NES: variants seen among roughly 807,000 people sequenced by gnomAD.
The protein encoded by NES is nestin.
In NES, 27 loss-of-function variants were observed where a neutral mutation model predicts 35.6. The ratio of observed to expected loss-of-function variants is 0.76; its 90% CI spans 0.56 to 1.04. The LOEUF is 1.04. NES is among the 50% of genes least tolerant of loss of function. The pLI, the probability that NES is intolerant of heterozygous loss-of-function variation, is 0.00. For missense variants in NES, 1,867 were observed against 1,983.6 expected (o/e 0.94, Z 1.12); for synonymous variants, 822 against 824.2 (o/e 1.00, Z 0.04).
At position 156,672,534 on chromosome 1, in the gene NES, C is replaced by T. The variant is rs763812031; in HGVS notation, c.1654G>A (p.Glu552Lys). ...AGAGTCTTCAGTGACTCTTGAATCTCCTCTCCCAGAGACTTCAGGGTTTCT... is the reference window on the plus strand; with the variant it reads ...AGAGTCTTCAGTGACTCTTGAATCTTCTCTCCCAGAGACTTCAGGGTTTCT... ...EKETLKSLGE[E>K]IQESLKTLEN... Residue 552 changes from glutamate (E) to lysine (K), a missense_variant, in exon 4 of 4, where the codon GAG becomes AAG. Transcript: ENST00000368223. 1.9e-6 allele frequency: 3 copies of T among 1,613,914 alleles called. No homozygotes were observed. Among genetic ancestry groups the T allele is most frequent in the Non-Finnish European group, 2.5e-6 (3 of 1,179,968 alleles).
chr1:156,677,078 G>C lies in NES; in HGVS notation c.187C>G (p.Leu63Val). 1 of 1,600,830 alleles carries C rather than the reference G, an allele frequency of 6.2e-7. No individual in the cohort carries two copies. Among genetic ancestry groups the C allele is most frequent in the Non-Finnish European group, 8.5e-7 (1 of 1,175,148 alleles). Reference sequence around the variant, plus strand: ...CAGCGTTGGTCAACGAGGGCCCGCAGGGCCGCCAGCTCGTCGTCGGCATGC... The same window carrying C: ...CAGCGTTGGTCAACGAGGGCCCGCACGGCCGCCAGCTCGTCGTCGGCATGC... Reference protein sequence around the residue: ...RAHADDELAALRALVDQRWRE... With the variant: ...RAHADDELAAVRALVDQRWRE... Residue 63 changes from leucine (L) to valine (V), a missense_variant, in exon 1 of 4, where the codon CTG becomes GTG. Coordinates refer to ENST00000368223, the MANE Select transcript of NES (RefSeq NM_006617.2). This position sits in a 1 kb window ranked among gnomAD's most constrained non-coding sequence, Gnocchi z 4.5.
rs1255138324 is a variant in NES at position 156,676,688 on chromosome 1, A to G, written c.577T>C (p.Tyr193His). 1.3e-6 allele frequency: 2 copies of G among 1,493,188 alleles called. No homozygotes were observed. The highest frequency in any genetic ancestry group is 2.3e-5 in the Admixed American group (1 of 43,164). 92.5% of individuals were successfully genotyped at this position (1,493,188 alleles called of 1,614,324 possible). The change falls in exon 1 of 4, where the codon TAC becomes CAC. Residue 193 changes from tyrosine to histidine, a missense_variant. Tyr to His is a moderately conservative substitution (Grantham distance 83). Coordinates refer to ENST00000368223, the MANE Select transcript of NES (RefSeq NM_006617.2). The surrounding 1 kb of genome is among the most constrained non-coding windows in gnomAD (Gnocchi z 5.3). ...TCCATGTGTGCCACGCGCTCCTGGT[A>G]GCCGCGCACTGCCCCGCGCCACGCC... ...GEAWRGAVRG[Y>H]QERVAHMETS... is the part of the protein sequence containing the mutation.
Position 156,671,098 on chromosome 1 carries a change from A to G in NES, c.3090T>C (p.Ser1030=). The change falls in exon 4 of 4, where the codon AGT becomes AGC. Residue 1030 remains serine (S), a synonymous_variant. Transcript: ENST00000368223. ...KEQRGLVEGA[S]VKGGAEGLQD... ...GGAGGCCCTCAGCCCCTCCCTTCAC[A>G]CTGGCTCCCTCAACCAGGCCTCTCT... 1.2e-6 allele frequency: 2 copies of G among 1,613,804 alleles called. No homozygotes were observed. The highest frequency in any genetic ancestry group is 1.7e-6 in the Non-Finnish European group (2 of 1,179,940).
In NES at chr1:156,670,465, C is replaced by A; in HGVS notation, c.3723G>T (p.Gly1241=). 1 of 1,569,018 alleles carries A rather than the reference C, an allele frequency of 6.4e-7. No homozygotes were observed. The highest frequency in any genetic ancestry group is 8.6e-7 in the Non-Finnish European group (1 of 1,156,878). Residue 1241 remains glycine (G), a synonymous_variant, in exon 4 of 4, where the codon GGG becomes GGT. Transcript: ENST00000368223. Reference sequence around the variant, plus strand: ...GCACCCCCCAGCTAGCCTCCTGACTCCCTTCAGCCTGAGGCTGAGGCCCAG... The same window carrying A: ...GCACCCCCCAGCTAGCCTCCTGACTACCTTCAGCCTGAGGCTGAGGCCCAG... ...DAPGPQPQAE[G]SQEASWGVQG... is the part of the protein sequence containing the mutation.
In NES at chr1:156,669,238, T is replaced by C. The variant is rs1679645073; in HGVS notation, c.*84A>G. The C allele has an allele frequency of 2.2e-6, 2 of 903,900 alleles. No individual in the cohort carries two copies. The highest frequency in any genetic ancestry group is 2.5e-5 in the Admixed American group (1 of 39,824). The allele number at this position is 903,900 out of a possible 1,614,324, so 56.0% of individuals were successfully genotyped here. On this transcript the variant is annotated 3_prime_UTR_variant, in exon 4 of 4. Coordinates refer to ENST00000368223, the MANE Select transcript of NES (RefSeq NM_006617.2). ...TCAAGAGATCGTAAGTTAAGAGTGC[T>C]GCTCCTGAGCAGGGAGCGGGCTTGG...
At position 156,671,905 on chromosome 1, in the gene NES, C is replaced by T; in HGVS notation, c.2283G>A (p.Glu761=). ...DQETLRTLEK[E]TQQRRRSLGE... Reference sequence around the variant, plus strand: ...CTAGAGACCTCCGTCGCTGTTGAGTCTCTTTTTCAAGAGTTCTCAATGTCT... The same window carrying T: ...CTAGAGACCTCCGTCGCTGTTGAGTTTCTTTTTCAAGAGTTCTCAATGTCT... Residue 761 remains glutamate (E), a synonymous_variant, in exon 4 of 4, where the codon GAG becomes GAA. Coordinates refer to ENST00000368223, the MANE Select transcript of NES (RefSeq NM_006617.2). The T allele has an allele frequency of 1.9e-6, 3 of 1,614,112 alleles. No individual in the cohort carries two copies. The highest frequency in any genetic ancestry group is 2.5e-6 in the Non-Finnish European group (3 of 1,180,008).
Position 156,672,308 on chromosome 1 carries a change from G to T in NES, c.1880C>A (p.Ser627Tyr), listed in dbSNP as rs1182831374. ...TGKEDTQTLQSLQKENQELMK... is the reference protein window; with the variant it reads ...TGKEDTQTLQYLQKENQELMK... ...TAGTTCTTGATTCTCCTTTTGCAGGGATTGCAATGTCTGTGTGTCCTCTTT... is the reference window on the plus strand; with the variant it reads ...TAGTTCTTGATTCTCCTTTTGCAGGTATTGCAATGTCTGTGTGTCCTCTTT... Residue 627 changes from serine to tyrosine, a missense_variant, in exon 4 of 4, where the codon TCC (serine) becomes TAC (tyrosine). Transcript: ENST00000368223. The T allele has an allele frequency of 1.2e-6, 2 of 1,606,786 alleles. No individual in the cohort carries two copies. Among genetic ancestry groups the T allele is most frequent in the Admixed American group, 1.7e-5 (1 of 57,716 alleles).
At position 156,677,332 on chromosome 1, in the gene NES, C is replaced by T; in HGVS notation, c.-68G>A. The T allele has an allele frequency of 1.0e-6, 1 of 981,076 alleles. No homozygotes were observed. The highest frequency in any genetic ancestry group is 3.7e-5 in the Admixed American group (1 of 27,122). 60.8% of individuals were successfully genotyped at this position (981,076 alleles called of 1,614,324 possible). A position where few individuals can be genotyped will look rare whatever the true frequency, so the allele number is the denominator to read the frequency against. On this transcript the variant is annotated 5_prime_UTR_variant, in exon 1 of 4. Coordinates refer to ENST00000368223, the MANE Select transcript of NES (RefSeq NM_006617.2). The surrounding 1 kb of genome is among the most constrained non-coding windows in gnomAD (Gnocchi z 4.5). ...CGGGAGAAGGGAGCGGCTCGCAGAG[C>T]TTTTAGGACGGAAGAGAAAAGAGAC...
In NES at chr1:156,676,876, A is replaced by G. The variant is rs4278369; in HGVS notation, c.389T>C (p.Val130Ala). The change falls in exon 1 of 4, where the codon GTG becomes GCG. Residue 130 changes from valine to alanine, a missense_variant. By Grantham distance (64) the Val-to-Ala change is moderately conservative (BLOSUM62 0). Transcript: ENST00000368223. The surrounding 1 kb of genome is among the most constrained non-coding windows in gnomAD (Gnocchi z 5.3). ...CTCTAGCTCGCGCTCCAGCTCTGCC[A>G]CCTGGCTACTCAGCCAGGCCCGGGC... ...KCARAWLSSQ[V>A]AELERELEAL... 1 allele frequency: 1,531,762 copies of G among 1,532,164 alleles called. 765,682 individuals are homozygous for G. The highest frequency in any genetic ancestry group is 1 in the South Asian group (82,714 of 82,714). The allele number at this position is 1,532,164 out of a possible 1,614,324, so 94.9% of individuals were successfully genotyped here.
At position 156,672,679 on chromosome 1, in the gene NES, C is replaced by A; in HGVS notation, c.1509G>T (p.Gly503=). The A allele has an allele frequency of 6.2e-7, 1 of 1,613,846 alleles. No individual in the cohort carries two copies. Among genetic ancestry groups the A allele is most frequent in the Non-Finnish European group, 8.5e-7 (1 of 1,180,042 alleles). Residue 503 remains glycine (G), a synonymous_variant, in exon 4 of 4, where the codon GGG becomes GGT. Coordinates refer to ENST00000368223, the MANE Select transcript of NES (RefSeq NM_006617.2). The part of the protein sequence containing the change: ...CRGEGEGQIW[G]LVEKETAIEG... The stretch of plus-strand genomic sequence containing the variant: ...CTATGGCTGTTTCTTTCTCTACCAA[C>A]CCCCAGATTTGCCCTTCACCTTCCC...
rs750109265 is a variant in NES, at chr1:156,671,656, T to C, written c.2532A>G (p.Glu844=). ...QENLETLKSP[E]TQAPLWTPEE... ...CTGGAGTCCACAGTGGTGCTTGAGT[T>C]TCTGGAGATTTCAGTGTTTCCAGGT... The change falls in exon 4 of 4, where the codon GAA becomes GAG. Residue 844 remains glutamate (E), a synonymous_variant. Transcript: ENST00000368223. 4 of 1,613,708 alleles carry C rather than the reference T, an allele frequency of 2.5e-6. No individual in the cohort carries two copies.
intron 2 of NES, 66 bp downstream of exon 2, chr1:156,675,150 C>T (rs1305933689): frequency 4.5e-6 from 7 of 1,568,390 alleles, no homozygotes; most frequent in Non-Finnish European, 6.1e-6. Context: ...CCCCTTCAGC[C>T]ACGTAGTCTG....
At position 156,673,458 on chromosome 1, in the gene NES, A is replaced by T. The variant is rs1454762285; in HGVS notation, c.978T>A (p.Phe326Leu). 6.2e-7 allele frequency: 1 copy of T among 1,612,648 alleles called. No individual in the cohort carries two copies. Among genetic ancestry groups the T allele is most frequent in the Admixed American group, 1.7e-5 (1 of 59,970 alleles). ...PGGGSKTSLS[F>L]QDPKLELQFP... ...GAACTTGGCCCCTCCTCTTACCCTG[A>T]AAGCTGAGGGAAGTCTTGGAGCCAC... Residue 326 changes from phenylalanine to leucine, a missense_variant, in exon 3 of 4, where the codon TTT (phenylalanine) becomes TTA (leucine). Phe to Leu is a conservative substitution (Grantham distance 22). Coordinates refer to ENST00000368223, the MANE Select transcript of NES (RefSeq NM_006617.2).
rs1679711027 is a variant in NES at position 156,670,915 on chromosome 1, A to C, written c.3273T>G (p.Gly1091=). Residue 1091 remains glycine, a synonymous_variant, in exon 4 of 4, where the codon GGT becomes GGG. Coordinates refer to ENST00000368223, the MANE Select transcript of NES (RefSeq NM_006617.2). ...CTGGCTCAGCTCCCGCAGCAGACTC[A>C]CCCATGGCAGGCTCTGACCCCAACA... is the stretch of plus-strand genomic sequence containing the variant. ...EVMLGSEPAM[G]ESAAGAEPGP... The C allele has an allele frequency of 1.3e-6, 2 of 1,599,780 alleles. No homozygotes were observed. The highest frequency in any genetic ancestry group is 1.4e-5 in the African/African-American group (1 of 70,836).
chr1:156,675,677 G>A (rs923594380), intron 1 of NES, among the ~76,000 whole-genome samples: 1 of 152,160 alleles, frequency 6.6e-6, no homozygotes, highest in African/African-American at 2.4e-5. Flanking sequence ...TATGGAGAGA[G>A]AAGAGGGGGA....
In NES at chr1:156,670,552, C is replaced by A. The variant is rs1679696664; in HGVS notation, c.3636G>T (p.Glu1212Asp). ...PWPLGSEEAE[E>D]DVPPVLVSPS... ...GGGAGACCAGCACTGGTGGTACATC[C>A]TCCTCAGCTTCCTCTGACCCCAGAG... is the stretch of plus-strand genomic sequence containing the variant. Residue 1212 changes from glutamate to aspartate, a missense_variant, in exon 4 of 4, where the codon GAG (glutamate) becomes GAT (aspartate). By Grantham distance (45) the Glu-to-Asp change is conservative. Coordinates refer to ENST00000368223, the MANE Select transcript of NES (RefSeq NM_006617.2). 6.2e-7 allele frequency: 1 copy of A among 1,611,300 alleles called. No individual in the cohort carries two copies. The highest frequency in any genetic ancestry group is 1.3e-5 in the African/African-American group (1 of 74,882).
chr1:156,672,852 C>T lies in NES; in HGVS notation c.1336G>A (p.Glu446Lys), dbSNP rs1557999337. ...IPASVLPGPE[E>K]PGGQRQEAST... ...GCCTCTTGCCGCTGGCCCCCAGGCT[C>T]CTCTGGTCCAGGCAGGACGCTGGCA... The change falls in exon 4 of 4, where the codon GAG (glutamate) becomes AAG (lysine). Residue 446 changes from glutamate to lysine, a missense_variant. Physicochemically the swap from Glu to Lys is moderately conservative, Grantham distance 56. Coordinates refer to ENST00000368223, the MANE Select transcript of NES (RefSeq NM_006617.2). 6.2e-7 allele frequency: 1 copy of T among 1,613,950 alleles called. No individual in the cohort carries two copies. The highest frequency in any genetic ancestry group is 8.5e-7 in the Non-Finnish European group (1 of 1,180,030).
At position 156,676,941 on chromosome 1, in the gene NES, C is replaced by A; in HGVS notation, c.324G>T (p.Glu108Asp). ...LRLARERTTEEVARNRRAVEA... is the reference protein window; with the variant it reads ...LRLARERTTEDVARNRRAVEA... ...CGACGGCGCGCCGGTTGCGGGCTAC[C>A]TCCTCCGTCGTCCGCTCCCGGGCCA... Residue 108 changes from glutamate to aspartate, a missense_variant, in exon 1 of 4, where the codon GAG becomes GAT. Physicochemically the swap from Glu to Asp is conservative, Grantham distance 45 (BLOSUM62 2). Coordinates refer to ENST00000368223, the MANE Select transcript of NES (RefSeq NM_006617.2). This position sits in a 1 kb window ranked among gnomAD's most constrained non-coding sequence, Gnocchi z 5.3. The A allele has an allele frequency of 6.4e-7, 1 of 1,554,890 alleles. No homozygotes were observed. The highest frequency in any genetic ancestry group is 8.6e-7 in the Non-Finnish European group (1 of 1,158,486).
intron 2 of NES, 80 bp downstream of exon 2, chr1:156,675,136 T>C (rs954267891): frequency 6.5e-7 from 1 of 1,537,416 alleles, no homozygotes; most frequent in South Asian, 1.2e-5. Flanking sequence ...CCTACACCTC[T>C]GGTCCCCTTC....
Sources: allele counts gnomAD v4.1 joint callset (sites outside exome capture counted in the v4.1 genomes callset), GRCh38; gene constraint gnomAD v4.1.1; non-coding constraint Gnocchi (gnomAD v3.1); transcripts MANE v1.5; gene names NCBI Gene and HGNC (gene_info 2026-07-23, HGNC 2026-07-21).